TGS1: variants seen among roughly 807,000 people sequenced by gnomAD.
TGS1 encodes trimethylguanosine synthase.
In TGS1, 69 loss-of-function variants were observed where a neutral mutation model predicts 92.2. That is an observed-to-expected ratio of 0.75 (90% CI 0.62 to 0.91). TGS1 has a LOEUF of 0.91. TGS1 is among the 40% of genes least tolerant of loss of function. The probability of loss-of-function intolerance (pLI) is 0.00; values close to 1 mark genes in which losing one functional copy is unlikely to be tolerated. For missense variants in TGS1, 1,062 were observed against 1,001.2 expected (o/e 1.06, Z -0.82); for synonymous variants, 345 against 338.1 (o/e 1.02, Z -0.22).
At chr8:55,781,576 C>T (rs1811563436) in intron 1 of TGS1, among the ~76,000 whole-genome samples, 1 of 152,138 alleles carries the variant, frequency 6.6e-6, no homozygotes, top group African/African-American at 2.4e-5. Flanking sequence ...GCGGGCAGAC[C>T]AGTGATGCCC....
At chr8:55,778,864 G>A (rs567853762) in intron 1 of TGS1, among the ~76,000 whole-genome samples, 3 of 152,234 alleles carry the variant, frequency 2.0e-5, no homozygotes, top group Middle Eastern at 3.4e-3. Context: ...TATTTCAGCC[G>A]CCCGAGTGTC....
rs774594375 is a variant in TGS1, at chr8:55,786,332, AATATGAAGAAGACGAC to A, written c.437_452del (p.Tyr146PhefsTer42). 6.2e-7 allele frequency: 1 copy of A among 1,608,620 alleles called. No homozygotes were observed. The highest frequency in any genetic ancestry group is 8.5e-7 in the Non-Finnish European group (1 of 1,176,742). ...ATTGTGCAAGAATCTTGGAGAAAAG[AATATGAAGAAGACGAC>A]ATTTTGGCTTCAGATGATCCATCTT... is the stretch of plus-strand genomic sequence containing the variant. On this transcript the variant is annotated frameshift_variant, in exon 4 of 13. Coordinates refer to ENST00000260129, the MANE Select transcript of TGS1 (RefSeq NM_024831.8). LOFTEE classifies it high-confidence loss of function.
intron 4 of TGS1, among the ~76,000 whole-genome samples, chr8:55,787,867 A>G (rs1199047279): frequency 1.3e-5 from 2 of 152,226 alleles, no homozygotes; most frequent in African/African-American, 4.8e-5. Flanking sequence ...AAAGGGGCAT[A>G]GGCATGCCAC....
rs758827626 is a variant in TGS1, at chr8:55,782,780, G to C, written c.134G>C (p.Gly45Ala). The C allele has an allele frequency of 1.2e-6, 2 of 1,610,648 alleles. No individual in the cohort carries two copies. Among genetic ancestry groups the C allele is most frequent in the Non-Finnish European group, 8.5e-7 (1 of 1,178,930 alleles). The change falls in exon 2 of 13, where the codon GGC (glycine) becomes GCC (alanine). Residue 45 changes from glycine (G) to alanine (A), a missense_variant. Physicochemically the swap from Gly to Ala is moderately conservative, Grantham distance 60. Coordinates refer to ENST00000260129, the MANE Select transcript of TGS1 (RefSeq NM_024831.8). Reference sequence around the variant, plus strand: ...AAATTGTACAATTTGGGATTAAAAGGCTATTACATCAGAGACAGTGGCAAC... The same window carrying C: ...AAATTGTACAATTTGGGATTAAAAGCCTATTACATCAGAGACAGTGGCAAC... ...DRKLYNLGLK[G>A]YYIRDSGNNS... is the part of the protein sequence containing the mutation.
intron 1 of TGS1, among the ~76,000 whole-genome samples, chr8:55,776,797 G>T (rs1811414615): frequency 6.6e-6 from 1 of 152,160 alleles, no homozygotes; most frequent in South Asian, 2.1e-4. Context: ...TCTACATTTT[G>T]TACTGACAGA....
chr8:55,802,656 TAAAAAG>T, intron 9 of TGS1, 50 bp downstream of exon 9: 1 of 1,523,682 alleles, frequency 6.6e-7, no homozygotes, highest in South Asian at 1.2e-5. Flanking sequence ...ACTTCAAACT[TAAAAAG>T]AAAGTTATAA....
rs576479684 is a variant in TGS1 at position 55,785,586 on chromosome 8, T to TA, written c.167-125dup. On this transcript the variant is annotated intron_variant, in intron 2 of 12. Transcript: ENST00000260129. Reference sequence around the variant, plus strand: ...TTGTGAGACCCCCATCTCTAAAAAATAAAAAAAATTGTAACATTTGCATAC... The same window carrying TA: ...TTGTGAGACCCCCATCTCTAAAAAATAAAAAAAAATTGTAACATTTGCATAC... 1.4e-4 allele frequency: 86 copies of TA among 612,302 alleles called. 1 individual carries two copies. The highest frequency in any genetic ancestry group is 1.1e-3 in the South Asian group (36 of 31,658). The allele number at this position is 612,302 out of a possible 1,614,324, so 37.9% of individuals were successfully genotyped here. A position where few individuals can be genotyped will look rare whatever the true frequency, so the allele number is the denominator to read the frequency against.
Position 55,773,604 on chromosome 8 carries a change from C to A in TGS1, c.-15C>A. On this transcript the variant is annotated 5_prime_UTR_variant, in exon 1 of 13. Coordinates refer to ENST00000260129, the MANE Select transcript of TGS1 (RefSeq NM_024831.8). The stretch of plus-strand genomic sequence containing the variant: ...CCCGGGCTGCGTACGTCAGAGCTGC[C>A]TCCGAAGTGGTAAAATGTGCTGCGA... The A allele has an allele frequency of 6.2e-7, 1 of 1,603,736 alleles. No homozygotes were observed. The highest frequency in any genetic ancestry group is 8.5e-7 in the Non-Finnish European group (1 of 1,175,324).
intron 8 of TGS1, among the ~76,000 whole-genome samples, chr8:55,801,582 C>CTTTTTTTTTTTTTTTTTTTT (rs1212417955): frequency 2.1e-5 from 1 of 48,202 alleles, no homozygotes; most frequent in African/African-American, 9.4e-5. Context: ...CCCCATCGTT[C>CTTTTTTTTTTTTTTTTTTTT]TTTTTTTTTT....
At chr8:55,789,567 G>A (rs1409981628) in intron 4 of TGS1, among the ~76,000 whole-genome samples, 1 of 152,038 alleles carries the variant, frequency 6.6e-6, no homozygotes, top group Non-Finnish European at 1.5e-5. Context: ...GTTAGATCAT[G>A]AACATTTTTA....
chr8:55,820,780 A>C (rs1803614748), intron 12 of TGS1, among the ~76,000 whole-genome samples: 1 of 152,192 alleles, frequency 6.6e-6, no homozygotes, highest in Non-Finnish European at 1.5e-5. Context: ...GTAATATGCC[A>C]AAAATGTGGA....
intron 12 of TGS1, among the ~76,000 whole-genome samples, chr8:55,815,520 A>G (rs1399714864): frequency 6.6e-6 from 1 of 152,224 alleles, no homozygotes; most frequent in Non-Finnish European, 1.5e-5. Context: ...CTGAATTTGC[A>G]AATGGTTTGG....
At position 55,786,537 on chromosome 8, in the gene TGS1, T is replaced by A; in HGVS notation, c.639T>A (p.Ser213Arg). The A allele has an allele frequency of 6.2e-7, 1 of 1,614,186 alleles. No homozygotes were observed. The highest frequency in any genetic ancestry group is 8.5e-7 in the Non-Finnish European group (1 of 1,180,030). Residue 213 changes from serine to arginine, a missense_variant, in exon 4 of 13, where the codon AGT becomes AGA. Ser to Arg is a moderately radical substitution (Grantham distance 110). Transcript: ENST00000260129. ...ATGGAGGAGGACTATTGTGGCAAAGTTGGCAAGAAAAACATCCGGGTCAAG... is the reference window on the plus strand; with the variant it reads ...ATGGAGGAGGACTATTGTGGCAAAGATGGCAAGAAAAACATCCGGGTCAAG... ...NEYGGGLLWQ[S>R]WQEKHPGQAL...
intron 4 of TGS1, 24 bp from the exon 5 acceptor site, chr8:55,790,158 A>C: frequency 6.4e-7 from 1 of 1,558,544 alleles, no homozygotes. Flanking sequence ...GGGAAAAGCT[A>C]CTGCAATATT....
intron 10 of TGS1, among the ~76,000 whole-genome samples, chr8:55,809,969 GTTTA>G (rs957419394): frequency 9.9e-5 from 15 of 152,148 alleles, no homozygotes; most frequent in African/African-American, 3.1e-4. Flanking sequence ...AAATGTGAAT[GTTTA>G]TTTAGAACAG....
chr8:55,803,679 T>C (rs1812283507), intron 9 of TGS1, among the ~76,000 whole-genome samples: 2 of 150,938 alleles, frequency 1.3e-5, no homozygotes, highest in African/African-American at 2.4e-5. Context: ...CTTTTCTTTT[T>C]ATTTTTTCTT....
At chr8:55,774,023 A>G (rs1811303039) in intron 1 of TGS1, among the ~76,000 whole-genome samples, 1 of 152,258 alleles carries the variant, frequency 6.6e-6, no homozygotes, top group Non-Finnish European at 1.5e-5. Context: ...GACATGTAAA[A>G]TGAAATCTCT....
Position 55,811,017 on chromosome 8 carries a change from G to T in TGS1, c.2280G>T (p.Val760=). The change falls in exon 11 of 13, where the codon GTG becomes GTT. Residue 760 remains valine (V), a synonymous_variant. Coordinates refer to ENST00000260129, the MANE Select transcript of TGS1 (RefSeq NM_024831.8). ...CTTCTTTTTTAAAGGCTGATGTTGTGTTCCTCAGCCCACCTTGGGGAGGGC... is the reference window on the plus strand; with the variant it reads ...CTTCTTTTTTAAAGGCTGATGTTGTTTTCCTCAGCCCACCTTGGGGAGGGC... ...LLASFLKADV[V]FLSPPWGGPD... The T allele has an allele frequency of 6.2e-7, 1 of 1,614,184 alleles. No homozygotes were observed. The highest frequency in any genetic ancestry group is 8.5e-7 in the Non-Finnish European group (1 of 1,180,030).
chr8:55,788,133 A>G (rs984381766), intron 4 of TGS1, among the ~76,000 whole-genome samples: 1 of 152,234 alleles, frequency 6.6e-6, no homozygotes, highest in Non-Finnish European at 1.5e-5. Flanking sequence ...CAGCACCAGG[A>G]AAATGGGAGA....
Sources: gnomAD v4.1 joint callset for allele counts (sites outside exome capture counted in the v4.1 genomes callset) on GRCh38, gnomAD v4.1.1 for gene constraint, MANE v1.5 for transcripts, NCBI Gene and HGNC (gene_info 2026-07-23, HGNC 2026-07-21) for gene names.